PBX3: variants seen among roughly 807,000 people sequenced by gnomAD.
PBX3 encodes the protein pre-B-cell leukemia transcription factor 3.
A neutral mutation model predicts 48.5 loss-of-function variants in PBX3; 14 were observed. That is an observed-to-expected ratio of 0.29 (90% CI 0.19 to 0.45). The LOEUF (loss-of-function observed/expected upper bound fraction) is 0.45. Among genes scored for constraint, PBX3 ranks in the 20% least tolerant of loss-of-function variants. The pLI, the probability that PBX3 is intolerant of heterozygous loss-of-function variation, is 1.00. For synonymous variants in PBX3, 210 were observed against 200.3 expected (o/e 1.05, Z -0.41); for missense variants, 386 against 546.7 (o/e 0.71, Z 2.93).
At chr9:125,748,324 G>C (rs1284460282) in intron 1 of PBX3, 2 of 1,213,296 alleles carry the variant, frequency 1.6e-6, no homozygotes, top group Non-Finnish European at 2.1e-6. Flanking sequence ...CGAGGCTGCT[G>C]CCTGCCGGGC....
intron 2 of PBX3, among the ~76,000 whole-genome samples, chr9:125,905,614 C>CT (rs1010888086): frequency 1.3e-5 from 2 of 151,708 alleles, no homozygotes; most frequent in African/African-American, 4.8e-5. Flanking sequence ...GATATATTGA[C>CT]TTTTTTAGTT....
At chr9:125,829,910 G>A (rs148625630) in intron 2 of PBX3, among the ~76,000 whole-genome samples, 20 of 152,212 alleles carry the variant, frequency 1.3e-4, no homozygotes, top group African/African-American at 4.8e-4. Flanking sequence ...CTTTCTATAC[G>A]TATCTGCATT....
rs529432683 is a variant in PBX3 at position 125,942,803 on chromosome 9, G to A, written c.843+7196G>A. 1.2e-4 allele frequency among the ~76,000 whole-genome samples: 19 copies of A among 152,282 alleles called. No individual in the cohort carries two copies. In the South Asian group the frequency reaches 1.9e-3, roughly 15 times the overall value. Reference sequence around the variant, plus strand: ...GAGGTGGGACATCATTAAACAGTGCGCAGAGAATAAAAGAGCAGGTTGTAA... The same window carrying A: ...GAGGTGGGACATCATTAAACAGTGCACAGAGAATAAAAGAGCAGGTTGTAA... On this transcript the variant is annotated intron_variant, in intron 5 of 8. Coordinates refer to ENST00000373489, the MANE Select transcript of PBX3 (RefSeq NM_006195.6).
chr9:125,765,694 A>G (rs1836785260), intron 2 of PBX3, among the ~76,000 whole-genome samples: 2 of 152,192 alleles, frequency 1.3e-5, no homozygotes, highest in Admixed American at 6.5e-5. Context: ...TTCATCTTTA[A>G]AACTTGGGTC....
chr9:125,756,399 G>A (rs1836519387), intron 2 of PBX3, among the ~76,000 whole-genome samples: 1 of 152,134 alleles, frequency 6.6e-6, no homozygotes, highest in Non-Finnish European at 1.5e-5. Context: ...AAGGGAGGAA[G>A]ACAGACCTTC....
chr9:125,787,299 G>A (rs760896593), intron 2 of PBX3, among the ~76,000 whole-genome samples: 1 of 152,146 alleles, frequency 6.6e-6, no homozygotes, highest in Non-Finnish European at 1.5e-5. Context: ...CTGAGGGAAA[G>A]TGTACTGCAT....
At chr9:125,902,244 A>G (rs1365831228) in intron 2 of PBX3, among the ~76,000 whole-genome samples, 5 of 151,720 alleles carry the variant, frequency 3.3e-5, no homozygotes, top group African/African-American at 9.7e-5. Context: ...TGAAAACATT[A>G]TATAAGGTTT....
chr9:125,762,908 A>AT (rs1010367449), intron 2 of PBX3, among the ~76,000 whole-genome samples: 49 of 150,368 alleles, frequency 3.3e-4, no homozygotes, highest in Middle Eastern at 3.4e-3. Context: ...ACTTGAGCAG[A>AT]TTTTTTTTTT....
At chr9:125,965,760 C>T (rs764559340) in intron 8 of PBX3, 71 bp from the exon 9 acceptor site, 35 of 1,113,620 alleles carry the variant, frequency 3.1e-5, no homozygotes, top group East Asian at 7.1e-5. Flanking sequence ...TGTTGTCATC[C>T]GGGTGTTTTA....
intron 2 of PBX3, among the ~76,000 whole-genome samples, chr9:125,839,296 T>C (rs1040288546): frequency 1.3e-5 from 2 of 152,208 alleles, no homozygotes; most frequent in East Asian, 3.8e-4. Context: ...ACCAGTTAAA[T>C]CTCATTCATT....
chr9:125,897,771 G>C (rs1176931621), intron 2 of PBX3, among the ~76,000 whole-genome samples: 1 of 151,846 alleles, frequency 6.6e-6, no homozygotes, highest in Non-Finnish European at 1.5e-5. Context: ...CTCTGTATTA[G>C]ACATGGCCAG....
intron 2 of PBX3, among the ~76,000 whole-genome samples, chr9:125,906,957 A>C (rs1025417650): frequency 6.6e-6 from 1 of 152,016 alleles, no homozygotes; most frequent in Non-Finnish European, 1.5e-5. Context: ...TTTCAGAACA[A>C]ATCAACAGCA....
chr9:125,790,990 T>G (rs1409737505), intron 2 of PBX3, among the ~76,000 whole-genome samples: 1 of 151,940 alleles, frequency 6.6e-6, no homozygotes, highest in East Asian at 1.9e-4. Flanking sequence ...CTTGGCTCAC[T>G]GCAACTTCTG....
rs1183498146 is a variant in PBX3 at position 125,747,556 on chromosome 9, G to C, written c.103G>C (p.Glu35Gln). The C allele has an allele frequency of 1.9e-6, 3 of 1,606,606 alleles. No homozygotes were observed. Among genetic ancestry groups the C allele is most frequent in the Non-Finnish European group, 2.5e-6 (3 of 1,176,752 alleles). Residue 35 changes from glutamate to glutamine, a missense_variant, in exon 1 of 9, where the codon GAA becomes CAA. Transcript: ENST00000373489. ...MALPPPPHGH[E>Q]GADGDGRKQD... is the part of the protein sequence containing the mutation. ...CCTGCCGCCTCCCCCGCACGGCCAC[G>C]AAGGGGCGGACGGCGACGGCAGGAA...
chr9:125,919,426 G>T (rs139534503), intron 3 of PBX3, among the ~76,000 whole-genome samples: 1 of 145,298 alleles, frequency 6.9e-6, no homozygotes, highest in Non-Finnish European at 1.5e-5. Flanking sequence ...GGCCAGGCTG[G>T]TCTTGAACTC....
At chr9:125,761,923 T>A (rs1255030603) in intron 2 of PBX3, among the ~76,000 whole-genome samples, 3 of 152,164 alleles carry the variant, frequency 2.0e-5, no homozygotes, top group Non-Finnish European at 4.4e-5. Context: ...TTGCAGAGTT[T>A]CAAGGAAGAG....
chr9:125,836,214 G>A (rs1208693673), intron 2 of PBX3, among the ~76,000 whole-genome samples: 1 of 152,178 alleles, frequency 6.6e-6, no homozygotes, highest in African/African-American at 2.4e-5. Flanking sequence ...GGGAGGCCGA[G>A]GCAGGTGGAT....
At chr9:125,828,239 G>A (rs923732551) in intron 2 of PBX3, among the ~76,000 whole-genome samples, 39 of 152,104 alleles carry the variant, frequency 2.6e-4, no homozygotes, top group African/African-American at 9.4e-4. Context: ...TATCAGATCT[G>A]AGATATATAT....
intron 2 of PBX3, among the ~76,000 whole-genome samples, chr9:125,799,455 A>G (rs1017046508): frequency 5.3e-5 from 8 of 152,228 alleles, no homozygotes; most frequent in Non-Finnish European, 1.2e-4. Context: ...GTAGTGAGCC[A>G]TGGTTGTGCC....
Sources: gnomAD v4.1 joint callset for allele counts (sites outside exome capture counted in the v4.1 genomes callset) on GRCh38, gnomAD v4.1.1 for gene constraint, MANE v1.5 for transcripts, NCBI Gene and HGNC (gene_info 2026-07-23, HGNC 2026-07-21) for gene names.